The following PPHLN1 variants were observed in gnomAD, a reference collection of about 807,000 sequenced individuals.
PPHLN1 encodes the protein periphilin-1.
Under a neutral mutation model 51.3 loss-of-function variants are expected in PPHLN1, and 29 were observed. That is an observed-to-expected ratio of 0.57 (90% CI 0.42 to 0.77). PPHLN1 has a LOEUF of 0.77. Among genes scored for constraint, PPHLN1 ranks in the 30% least tolerant of loss-of-function variants. The probability of loss-of-function intolerance (pLI) is 0.00; values close to 1 mark genes in which losing one functional copy is unlikely to be tolerated. For missense variants in PPHLN1, 436 were observed against 438.4 expected (o/e 0.99, Z 0.05); for synonymous variants, 147 against 147.8 (o/e 0.99, Z 0.04).
intron 2 of PPHLN1, among the ~76,000 whole-genome samples, chr12:42,343,529 A>G (rs575693310): frequency 2.6e-5 from 4 of 152,234 alleles, no homozygotes; most frequent in Admixed American, 2.0e-4. Flanking sequence ...AATTGTGGAC[A>G]ACAGTATCCT....
chr12:42,336,089 T>A (rs7296357), intron 2 of PPHLN1, 115 bp downstream of exon 2: 2 of 558,988 alleles, frequency 3.6e-6, no homozygotes, highest in Admixed American at 3.4e-5. Context: ...ACCAGTGTAG[T>A]TTACAAAAGA....
At chr12:42,401,429 C>T (rs982936674) in intron 9 of PPHLN1, among the ~76,000 whole-genome samples, 1 of 151,398 alleles carries the variant, frequency 6.6e-6, no homozygotes, top group African/African-American at 2.4e-5. Flanking sequence ...AGCAGGGGTC[C>T]CCAACCCCTG....
intron 5 of PPHLN1, among the ~76,000 whole-genome samples, chr12:42,384,489 G>A (rs1213954869): frequency 6.6e-6 from 1 of 152,112 alleles, no homozygotes; most frequent in Non-Finnish European, 1.5e-5. Context: ...TTTTTTAACT[G>A]GTAGGGGTGA....
At chr12:42,401,271 C>T (rs749498077) in intron 9 of PPHLN1, among the ~76,000 whole-genome samples, 7 of 152,110 alleles carry the variant, frequency 4.6e-5, no homozygotes, top group Non-Finnish European at 8.8e-5. Context: ...TGTAGAAGGA[C>T]GAGTCTCTCT....
At chr12:42,396,759 C>T (rs2078254611) in intron 8 of PPHLN1, among the ~76,000 whole-genome samples, 1 of 150,748 alleles carries the variant, frequency 6.6e-6, no homozygotes, top group South Asian at 2.1e-4. Context: ...CATGGCCCTC[C>T]AGGCTGGGTG....
chr12:42,403,516 A>G (rs932271727), intron 9 of PPHLN1, among the ~76,000 whole-genome samples: 2 of 152,208 alleles, frequency 1.3e-5, no homozygotes, highest in African/African-American at 2.4e-5. Context: ...TCTCTATAAG[A>G]TAATTTGTAT....
intron 4 of PPHLN1, among the ~76,000 whole-genome samples, chr12:42,360,788 C>G (rs892772085): frequency 2.0e-5 from 3 of 152,004 alleles, no homozygotes; most frequent in African/African-American, 7.2e-5. Flanking sequence ...CCACCGCGCC[C>G]AGCCGCCGAA....
intron 4 of PPHLN1, among the ~76,000 whole-genome samples, chr12:42,372,204 C>T (rs1023673687): frequency 6.6e-6 from 1 of 151,962 alleles, no homozygotes; most frequent in South Asian, 2.1e-4. Context: ...AAAATTGAGG[C>T]CTGTTGTGAT....
At chr12:42,425,284 G>C (rs1022811409) in intron 9 of PPHLN1, among the ~76,000 whole-genome samples, 2 of 143,214 alleles carry the variant, frequency 1.4e-5, no homozygotes, top group Admixed American at 7.4e-5. Context: ...AGTAGAGACA[G>C]GGTTTCACCA....
chr12:42,392,786 C>T (rs1275140194), intron 7 of PPHLN1, among the ~76,000 whole-genome samples: 1 of 152,176 alleles, frequency 6.6e-6, no homozygotes, highest in African/African-American at 2.4e-5. Flanking sequence ...AATAGATTCA[C>T]ATCAGTGAAT....
At chr12:42,396,301 A>AC (rs1565929318) in intron 8 of PPHLN1, among the ~76,000 whole-genome samples, 2 of 143,790 alleles carry the variant, frequency 1.4e-5, no homozygotes, top group African/African-American at 5.4e-5. Flanking sequence ...TTTAAGGCAC[A>AC]CTTAAAAAAT....
chr12:42,393,777 A>C (rs1376931), intron 8 of PPHLN1, 88 bp downstream of exon 8: 1 of 1,308,536 alleles, frequency 7.6e-7, no homozygotes, highest in Non-Finnish European at 1.0e-6. Flanking sequence ...GTTTATTCCT[A>C]TACTTCAAAA....
intron 9 of PPHLN1, among the ~76,000 whole-genome samples, chr12:42,410,747 C>T (rs971580892): frequency 6.6e-6 from 1 of 152,182 alleles, no homozygotes; most frequent in African/African-American, 2.4e-5. Context: ...CACAGCCAGC[C>T]AGGCTGTAAT....
downstream of PPHLN1, chr12:42,442,513 A>C (rs757496745): frequency 6.7e-5 from 88 of 1,321,356 alleles, no homozygotes; most frequent in Non-Finnish European, 8.5e-5. Flanking sequence ...GTACCGAATA[A>C]ATACAAGCGG....
intron 3 of PPHLN1, 56 bp from the exon 4 acceptor site, chr12:42,355,105 T>C: frequency 6.6e-7 from 1 of 1,513,226 alleles, no homozygotes; most frequent in Non-Finnish European, 9.2e-7. Context: ...GTTAGATATG[T>C]CCCACTTGTC....
At chr12:42,409,782 T>A (rs1394685817) in intron 9 of PPHLN1, among the ~76,000 whole-genome samples, 1 of 152,152 alleles carries the variant, frequency 6.6e-6, no homozygotes, top group Non-Finnish European at 1.5e-5. Context: ...CTTATTTCTA[T>A]CTTTAAGATA....
Position 42,442,079 on chromosome 12 carries a change from T to C in PPHLN1, c.*570T>C. Reference sequence around the variant, plus strand: ...ATGAACTCAGTGTCTTCTATTACAATAATCCTGAAACTCCTGACTCTCTCA... The same window carrying C: ...ATGAACTCAGTGTCTTCTATTACAACAATCCTGAAACTCCTGACTCTCTCA... On this transcript the variant is annotated 3_prime_UTR_variant, in exon 10 of 10. Transcript: ENST00000358314. 1 of 578,766 alleles carries C rather than the reference T, an allele frequency of 1.7e-6. No individual in the cohort carries two copies. The highest frequency in any genetic ancestry group is 2.2e-6 in the Non-Finnish European group (1 of 458,658). 35.9% of individuals were successfully genotyped at this position (578,766 alleles called of 1,614,324 possible). A position where few individuals can be genotyped will look rare whatever the true frequency, so the allele number is the denominator to read the frequency against.
intron 9 of PPHLN1, among the ~76,000 whole-genome samples, chr12:42,436,109 C>T (rs1035098536): frequency 1.3e-5 from 2 of 152,200 alleles, no homozygotes; most frequent in East Asian, 3.8e-4. Context: ...ATTGCCAAAT[C>T]CAGTCAATAT....
chr12:42,379,830 T>G (rs1031901545), intron 5 of PPHLN1, among the ~76,000 whole-genome samples: 3 of 152,044 alleles, frequency 2.0e-5, no homozygotes, highest in Non-Finnish European at 4.4e-5. Context: ...TAAGAACAGC[T>G]TGTATTATCT....
Sources: gnomAD v4.1 joint callset for allele counts (sites outside exome capture counted in the v4.1 genomes callset) on GRCh38, gnomAD v4.1.1 for gene constraint, MANE v1.5 for transcripts, NCBI Gene and HGNC (gene_info 2026-07-23, HGNC 2026-07-21) for gene names.